PPP1R16B: variants seen among roughly 807,000 people sequenced by gnomAD.
PPP1R16B encodes protein phosphatase 1 regulatory inhibitor subunit 16B.
PPP1R16B carries 14 observed loss-of-function variants against 61.7 expected under a neutral mutation model. The observed-to-expected ratio is 0.23, with a 90% CI of 0.15 to 0.35. The LOEUF (loss-of-function observed/expected upper bound fraction) is 0.35, where lower values mean the gene tolerates loss of function less well. PPP1R16B is among the 10% of genes least tolerant of loss of function. The probability of loss-of-function intolerance (pLI) is 1.00; values close to 1 mark genes in which losing one functional copy is unlikely to be tolerated. For synonymous variants in PPP1R16B, 266 were observed against 305.3 expected (o/e 0.87, Z 1.34); for missense variants, 547 against 752.5 (o/e 0.73, Z 3.19).
chr20:38,835,559 T>C (rs916742908), intron 1 of PPP1R16B, among the ~76,000 whole-genome samples: 1 of 152,258 alleles, frequency 6.6e-6, no homozygotes, highest in Non-Finnish European at 1.5e-5. Context: ...GAAATGTGGA[T>C]AGTGCAACCA....
At position 38,906,303 on chromosome 20, in the gene PPP1R16B, T is replaced by G. The variant is rs28739277; in HGVS notation, c.822+209T>G. Among the ~76,000 whole-genome samples, 811 of 144,034 alleles carry G rather than the reference T, an allele frequency of 5.6e-3. 13 individuals carry two copies. The highest frequency in any genetic ancestry group is 0.02 in the African/African-American group (767 of 39,060). 94.5% of individuals were successfully genotyped at this position (144,034 alleles called of 152,430 possible). On this transcript the variant is annotated intron_variant, in intron 7 of 10. Transcript: ENST00000299824. ...GTTGTGTTTTTTTTTTTTTTTTTTT[T>G]TTTTTTTTGAGATGGAGTCTTGATC...
chr20:38,808,164 C>T (rs1424493498), intron 1 of PPP1R16B, among the ~76,000 whole-genome samples: 2 of 152,176 alleles, frequency 1.3e-5, no homozygotes, highest in African/African-American at 4.8e-5. Context: ...TCACAGAATC[C>T]TCACAACCCC....
At chr20:38,917,295 CAAA>C (rs59603946) in intron 10 of PPP1R16B, among the ~76,000 whole-genome samples, 3 of 92,748 alleles carry the variant, frequency 3.2e-5, no homozygotes, top group Non-Finnish European at 2.3e-5. Flanking sequence ...GACTCCGTCT[CAAA>C]AAAAAAAAAA....
intron 2 of PPP1R16B, among the ~76,000 whole-genome samples, chr20:38,880,750 T>G (rs1051928871): frequency 3.9e-5 from 6 of 152,364 alleles, no homozygotes; most frequent in Middle Eastern, 3.4e-3. Context: ...ACTTTAGAGA[T>G]ATCGCGACTA....
At chr20:38,852,621 G>A (rs6028166) in intron 2 of PPP1R16B, among the ~76,000 whole-genome samples, 1 of 152,098 alleles carries the variant, frequency 6.6e-6, no homozygotes, top group Admixed American at 6.5e-5. Flanking sequence ...AGGCTTGTCA[G>A]GTGCTCAATG....
Position 38,895,980 on chromosome 20 carries a change from C to T in PPP1R16B, c.467+270C>T, listed in dbSNP as rs1266261062. Among the ~76,000 whole-genome samples, 22 of 117,706 alleles carry T rather than the reference C, an allele frequency of 1.9e-4. 5 individuals are homozygous for T. Among genetic ancestry groups the T allele is most frequent in the African/African-American group, 7.7e-4 (19 of 24,690 alleles). The allele number at this position is 117,706 out of a possible 152,430, so 77.2% of individuals were successfully genotyped here. A position where few individuals can be genotyped will look rare whatever the true frequency, so the allele number is the denominator to read the frequency against. On this transcript the variant is annotated intron_variant, in intron 4 of 10. Transcript: ENST00000299824. ...CCTTTCTTCTTTCTTCCCTCCCTCCCTCCTTCCTTCTTTCTCTCCTCCCTT... is the reference window on the plus strand; with the variant it reads ...CCTTTCTTCTTTCTTCCCTCCCTCCTTCCTTCCTTCTTTCTCTCCTCCCTT...
At chr20:38,809,044 G>GA (rs1439294066) in intron 1 of PPP1R16B, among the ~76,000 whole-genome samples, 6 of 48,350 alleles carry the variant, frequency 1.2e-4, no homozygotes, top group African/African-American at 3.6e-4. Flanking sequence ...AAAAGAAAAA[G>GA]AAAAAAAAAA....
At chr20:38,855,027 A>G (rs2084994977) in intron 2 of PPP1R16B, among the ~76,000 whole-genome samples, 1 of 152,148 alleles carries the variant, frequency 6.6e-6, no homozygotes, top group African/African-American at 2.4e-5. Context: ...TTTTCATTGG[A>G]AGCCAGTGGG....
intron 2 of PPP1R16B, among the ~76,000 whole-genome samples, chr20:38,858,309 G>A (rs1249201544): frequency 6.6e-6 from 1 of 152,154 alleles, no homozygotes; most frequent in African/African-American, 2.4e-5. Context: ...GGGGTTCTCT[G>A]TGGTGCTGGA....
chr20:38,820,796 G>A (rs1481698528), intron 1 of PPP1R16B, among the ~76,000 whole-genome samples: 2 of 151,938 alleles, frequency 1.3e-5, no homozygotes, highest in South Asian at 4.2e-4. Context: ...ATTTTGGGAG[G>A]CCGAGGTGGG....
chr20:38,876,661 G>T (rs1308665827), intron 2 of PPP1R16B, among the ~76,000 whole-genome samples: 2 of 152,108 alleles, frequency 1.3e-5, no homozygotes, highest in Non-Finnish European at 2.9e-5. Flanking sequence ...TATTATTGTT[G>T]CTATTTAACT....
intron 2 of PPP1R16B, among the ~76,000 whole-genome samples, chr20:38,878,972 G>A (rs141124706): frequency 1.3e-5 from 2 of 152,306 alleles, no homozygotes; most frequent in Admixed American, 6.5e-5. Context: ...GAGGGGAATT[G>A]GGATAAGAGC....
At chr20:38,914,821 C>G (rs985170079) in intron 10 of PPP1R16B, among the ~76,000 whole-genome samples, 1 of 152,252 alleles carries the variant, frequency 6.6e-6, no homozygotes, top group Middle Eastern at 3.4e-3. Context: ...CACGCACCAC[C>G]ATGCCCAGCT....
intron 4 of PPP1R16B, among the ~76,000 whole-genome samples, chr20:38,897,694 A>G (rs2085360355): frequency 6.6e-6 from 1 of 152,256 alleles, no homozygotes; most frequent in Non-Finnish European, 1.5e-5. Context: ...TTTCCACAAC[A>G]TGTTACATTC....
Position 38,854,173 on chromosome 20 carries a change from T to C in PPP1R16B, c.250+17998T>C, listed in dbSNP as rs186798228. 2.4e-3 allele frequency among the ~76,000 whole-genome samples: 359 copies of C among 152,300 alleles called. 6 individuals are homozygous for C. Among genetic ancestry groups the C allele is most frequent in the Non-Finnish European group, 1.2e-3 (84 of 68,032 alleles). On this transcript the variant is annotated intron_variant, in intron 2 of 10. Transcript: ENST00000299824. Reference sequence around the variant, plus strand: ...ATTGATGTCCCTGGAATGTCTGAGATGTATGGGGTGGACCAAACACTGCCT... The same window carrying C: ...ATTGATGTCCCTGGAATGTCTGAGACGTATGGGGTGGACCAAACACTGCCT...
intron 1 of PPP1R16B, among the ~76,000 whole-genome samples, chr20:38,811,323 G>T (rs563271030): frequency 6.6e-6 from 1 of 152,176 alleles, no homozygotes; most frequent in Admixed American, 6.5e-5. Flanking sequence ...TGGGGCCAGG[G>T]TTCAAATGCT....
chr20:38,835,600 T>C (rs982346965), intron 1 of PPP1R16B, among the ~76,000 whole-genome samples: 4 of 152,248 alleles, frequency 2.6e-5, no homozygotes, highest in African/African-American at 9.6e-5. Flanking sequence ...TTATTCTAAT[T>C]GATTTAAATT....
chr20:38,859,818 C>T (rs1036323766), intron 2 of PPP1R16B, among the ~76,000 whole-genome samples: 2 of 151,984 alleles, frequency 1.3e-5, no homozygotes, highest in African/African-American at 4.8e-5. Context: ...CTAGTAGCTA[C>T]ATTTTTAAAA....
At chr20:38,816,169 T>G (rs1414764990) in intron 1 of PPP1R16B, among the ~76,000 whole-genome samples, 1 of 152,118 alleles carries the variant, frequency 6.6e-6, no homozygotes, top group Non-Finnish European at 1.5e-5. Flanking sequence ...AATTTTAGAA[T>G]AGTCTCTTTG....
Sources: allele counts gnomAD v4.1 joint callset (sites outside exome capture counted in the v4.1 genomes callset), GRCh38; gene constraint gnomAD v4.1.1; transcripts MANE v1.5; gene names NCBI Gene and HGNC (gene_info 2026-07-23, HGNC 2026-07-21).